Variants in DMD observed in about 807,000 individuals in gnomAD.
DMD encodes mutant dystrophin.
Under a neutral mutation model 330.1 loss-of-function variants are expected in DMD, and 63 were observed. The observed-to-expected ratio is 0.19, with a 90% CI of 0.16 to 0.24. The LOEUF (loss-of-function observed/expected upper bound fraction) is 0.24. Among genes scored for constraint, DMD ranks in the 10% least tolerant of loss-of-function variants. The probability of loss-of-function intolerance (pLI) is 1.00; values close to 1 mark genes in which losing one functional copy is unlikely to be tolerated. For synonymous variants in DMD, 1,223 were observed against 959.8 expected (o/e 1.27, Z -5.07); for missense variants, 3,344 against 2,684.1 (o/e 1.25, Z -5.43).
intron 17 of DMD, among the ~76,000 whole-genome samples, chrX:32,525,660 C>T (rs922229952): frequency 9.0e-6 from 1 of 111,218 alleles, no homozygotes; most frequent in Non-Finnish European, 1.9e-5. Context: ...ACTAGATATT[C>T]CTCAGATATC....
rs188188985 is a variant in DMD, at chrX:32,626,301, T to C, written c.1332-11848A>G. On this transcript the variant is annotated intron_variant, in intron 11 of 78. Transcript: ENST00000357033. ...GCCTGGCCAATAGAAACCCCATCTC[T>C]ACTAAAAATACAAAAATTAGCTGGG... is the stretch of plus-strand genomic sequence containing the variant. 3.9e-3 allele frequency among the ~76,000 whole-genome samples: 427 copies of C among 110,107 alleles called. 1 individual carries two copies. Among genetic ancestry groups the C allele is most frequent in the Middle Eastern group, 0.018 (4 of 218 alleles).
At chrX:32,308,477 C>A (rs1202237126) in intron 42 of DMD, among the ~76,000 whole-genome samples, 1 of 110,802 alleles carries the variant, frequency 9.0e-6, no homozygotes, top group African/African-American at 3.3e-5. Context: ...TCAAAACTAT[C>A]CCCCTTCAAA....
At chrX:32,277,626 G>T (rs1230028008) in intron 43 of DMD, among the ~76,000 whole-genome samples, 1 of 111,225 alleles carries the variant, frequency 9.0e-6, no homozygotes, top group African/African-American at 3.3e-5. Context: ...CATCTTCTCT[G>T]ACCACAATGG....
chrX:33,202,954 C>T (rs1462501193), intron 1 of DMD, among the ~76,000 whole-genome samples: 4 of 111,586 alleles, frequency 3.6e-5, no homozygotes, highest in Non-Finnish European at 7.5e-5. Context: ...ACTATTCTAT[C>T]GAGTCTTACT....
chrX:33,021,124 C>T, intron 1 of DMD, among the ~76,000 whole-genome samples: 1 of 111,086 alleles, frequency 9.0e-6, no homozygotes, highest in East Asian at 2.8e-4. Context: ...ATCTAAAAGT[C>T]AGAACATTTC....
At chrX:31,231,234 T>G (rs1228757295) in intron 63 of DMD, among the ~76,000 whole-genome samples, 1 of 111,093 alleles carries the variant, frequency 9.0e-6, no homozygotes, top group Non-Finnish European at 1.9e-5. Flanking sequence ...CCTGATCTTT[T>G]AAAAATCATT....
intron 2 of DMD, among the ~76,000 whole-genome samples, chrX:32,996,598 G>A (rs1431370635): frequency 1.8e-5 from 2 of 111,370 alleles, no homozygotes; most frequent in Admixed American, 9.5e-5. Flanking sequence ...AGAGGCGGGC[G>A]GGTCACCTGA....
At chrX:32,016,278 C>T (rs1025034765) in intron 44 of DMD, among the ~76,000 whole-genome samples, 2 of 111,819 alleles carry the variant, frequency 1.8e-5, no homozygotes, top group Admixed American at 1.9e-4. Flanking sequence ...CCCTCCCTTT[C>T]CCTCCTGCTT....
intron 26 of DMD, among the ~76,000 whole-genome samples, chrX:32,452,340 G>GAAAGT (rs2098334000): frequency 1.3e-3 from 9 of 6,691 alleles, no homozygotes; most frequent in Non-Finnish European, 2.0e-3. Flanking sequence ...AAAGTGAAAG[G>GAAAGT]GAAAGGGAAA....
intron 62 of DMD, among the ~76,000 whole-genome samples, chrX:31,313,836 T>C (rs1057452142): frequency 5.6e-5 from 6 of 107,672 alleles, no homozygotes; most frequent in Non-Finnish European, 1.2e-4. Flanking sequence ...TTAACTTTTA[T>C]TTATTTATTT....
intron 54 of DMD, among the ~76,000 whole-genome samples, chrX:31,639,396 C>T (rs2079598459): frequency 8.9e-6 from 1 of 111,997 alleles, no homozygotes; most frequent in African/African-American, 3.2e-5. Context: ...TGGAACGTAA[C>T]TCAATTTTAC....
intron 44 of DMD, among the ~76,000 whole-genome samples, chrX:32,124,182 T>C (rs1333391680): frequency 1.8e-5 from 2 of 112,739 alleles, no homozygotes; most frequent in Admixed American, 9.4e-5. Flanking sequence ...GCAAGGTGTT[T>C]ACAGCAAATT....
intron 43 of DMD, among the ~76,000 whole-genome samples, chrX:32,229,164 C>T (rs1328837074): frequency 9.0e-6 from 1 of 110,645 alleles, no homozygotes; most frequent in African/African-American, 3.3e-5. Context: ...TCCTACTTCT[C>T]CTATAATATA....
chrX:33,317,401 T>C (rs961276227), intron 1 of DMD, among the ~76,000 whole-genome samples: 1 of 111,861 alleles, frequency 8.9e-6, no homozygotes, highest in Non-Finnish European at 1.9e-5. Context: ...CAACTAAGAA[T>C]TTTATTCTTT....
intron 64 of DMD, among the ~76,000 whole-genome samples, chrX:31,215,245 C>CT (rs765161735): frequency 0.023 from 2,282 of 99,745 alleles, 34 homozygotes; most frequent in Middle Eastern, 0.041. Context: ...CCAGCCGATA[C>CT]TTTTTTTTTT....
chrX:32,624,878 G>C lies in DMD; in HGVS notation c.1332-10425C>G, dbSNP rs146269892. 5.6e-3 allele frequency among the ~76,000 whole-genome samples: 633 copies of C among 112,383 alleles called. 5 individuals are homozygous for C. Among genetic ancestry groups the C allele is most frequent in the African/African-American group, 0.019 (592 of 30,967 alleles). On this transcript the variant is annotated intron_variant, in intron 11 of 78. Transcript: ENST00000357033. Reference sequence around the variant, plus strand: ...GCTTTGCTTTACAGAAACTCTGTTAGAATGTAGGAAGGCGGCTGGGTGCGA... The same window carrying C: ...GCTTTGCTTTACAGAAACTCTGTTACAATGTAGGAAGGCGGCTGGGTGCGA...
In DMD at chrX:32,685,157, C is replaced by G. The variant is rs186131285; in HGVS notation, c.960+12713G>C. Among the ~76,000 whole-genome samples, 426 of 109,348 alleles carry G rather than the reference C, an allele frequency of 3.9e-3. 5 individuals are homozygous for G. The highest frequency in any genetic ancestry group is 0.029 in the East Asian group (103 of 3,561). The allele number at this position is 109,348 out of a possible 115,157, so 95.0% of individuals were successfully genotyped here. A position where few individuals can be genotyped will look rare whatever the true frequency, so the allele number is the denominator to read the frequency against. On this transcript the variant is annotated intron_variant, in intron 9 of 78. Coordinates refer to ENST00000357033, the MANE Select transcript of DMD (RefSeq NM_004006.3). ...GTAATACTACAGTGCTTCCGGCATA[C>G]TTGTTCCTGAACTATTTGAGGTACC...
intron 55 of DMD, among the ~76,000 whole-genome samples, chrX:31,539,009 C>A (rs1306383923): frequency 9.0e-6 from 1 of 111,654 alleles, no homozygotes; most frequent in African/African-American, 3.3e-5. Context: ...GATGATTATT[C>A]TCGTATTCTT....
intron 7 of DMD, among the ~76,000 whole-genome samples, chrX:32,798,446 T>C (rs2076326519): frequency 8.9e-6 from 1 of 112,144 alleles, no homozygotes; most frequent in African/African-American, 3.2e-5. Flanking sequence ...ATTTACGTCT[T>C]AATTTTTGTC....
Sources: gnomAD v4.1 joint callset for allele counts (sites outside exome capture counted in the v4.1 genomes callset) on GRCh38, gnomAD v4.1.1 for gene constraint, MANE v1.5 for transcripts, NCBI Gene and HGNC (gene_info 2026-07-23, HGNC 2026-07-21) for gene names.